The following MDGA2 variants were observed in gnomAD, a reference collection of about 807,000 sequenced individuals.
MDGA2 encodes MAM domain containing glycosylphosphatidylinositol anchor 2, also known as MAM domain-containing glycosylphosphatidylinositol anchor protein 2.
Under a neutral mutation model 117.8 loss-of-function variants are expected in MDGA2, and 40 were observed. The ratio of observed to expected loss-of-function variants is 0.34; its 90% CI spans 0.26 to 0.44. The LOEUF (loss-of-function observed/expected upper bound fraction) is 0.44, where lower values mean the gene tolerates loss of function less well. Among genes scored for constraint, MDGA2 ranks in the 20% least tolerant of loss-of-function variants. MDGA2 has a pLI of 1.00. For synonymous variants in MDGA2, 452 were observed against 439.0 expected (o/e 1.03, Z -0.37); for missense variants, 1,123 against 1,250.6 (o/e 0.90, Z 1.54).
chr14:47,334,175 C>T (rs1310324848), intron 1 of MDGA2, among the ~76,000 whole-genome samples: 1 of 151,668 alleles, frequency 6.6e-6, no homozygotes, highest in Non-Finnish European at 1.5e-5. Context: ...CTCTACAGCA[C>T]AGACTTAGTA....
At chr14:46,987,271 T>G (rs1886894403) in intron 8 of MDGA2, among the ~76,000 whole-genome samples, 1 of 152,108 alleles carries the variant, frequency 6.6e-6, no homozygotes, top group Non-Finnish European at 1.5e-5. Flanking sequence ...ATCACTGGTT[T>G]GTTTGTCCAT....
At chr14:47,164,804 A>T (rs924176166) in intron 3 of MDGA2, among the ~76,000 whole-genome samples, 3 of 152,240 alleles carry the variant, frequency 2.0e-5, no homozygotes, top group Non-Finnish European at 4.4e-5. Flanking sequence ...ATGCACATGT[A>T]TGTTTATTGC....
intron 1 of MDGA2, among the ~76,000 whole-genome samples, chr14:47,314,488 C>T (rs966569864): frequency 2.6e-5 from 4 of 151,990 alleles, no homozygotes; most frequent in African/African-American, 9.7e-5. Context: ...GACAACCCTG[C>T]ACAATATAGC....
intron 1 of MDGA2, among the ~76,000 whole-genome samples, chr14:47,628,340 A>G (rs1897189669): frequency 6.6e-6 from 1 of 152,192 alleles, no homozygotes; most frequent in Non-Finnish European, 1.5e-5. Context: ...TACATCCTCC[A>G]TAAGTTCCAT....
rs570744799 is a variant in MDGA2 at position 47,291,849 on chromosome 14, C to T, written c.420+9562G>A. 3.3e-5 allele frequency among the ~76,000 whole-genome samples: 5 copies of T among 152,222 alleles called. No homozygotes were observed. In the East Asian group the frequency reaches 9.7e-4, roughly 29 times the overall value. ...CATCGTGTAATCATCTCTAGGTTAC[C>T]AAGACAATCAAGTTCCTTGTGCACT... On this transcript the variant is annotated intron_variant, in intron 2 of 16. Coordinates refer to ENST00000399232, the MANE Select transcript of MDGA2 (RefSeq NM_001113498.3).
chr14:47,415,602 ATATTAC>A (rs1210631842), intron 1 of MDGA2, among the ~76,000 whole-genome samples: 5 of 152,332 alleles, frequency 3.3e-5, no homozygotes, highest in Admixed American at 2.6e-4. Flanking sequence ...AAAACATAGT[ATATTAC>A]TATCTGCAGT....
At chr14:47,206,285 A>G (rs1041232578) in intron 3 of MDGA2, among the ~76,000 whole-genome samples, 2 of 151,998 alleles carry the variant, frequency 1.3e-5, no homozygotes, top group African/African-American at 4.8e-5. Flanking sequence ...GTTATCACAG[A>G]CTTTAATTTA....
At chr14:46,847,711 A>G (rs1880897400) in intron 15 of MDGA2, among the ~76,000 whole-genome samples, 1 of 152,012 alleles carries the variant, frequency 6.6e-6, no homozygotes, top group African/African-American at 2.4e-5. Context: ...TATGGATGTA[A>G]TTTATTTAAC....
intron 2 of MDGA2, among the ~76,000 whole-genome samples, chr14:47,244,957 G>A (rs1887190099): frequency 6.6e-6 from 1 of 151,686 alleles, no homozygotes; most frequent in Non-Finnish European, 1.5e-5. Context: ...CCATTGTGAT[G>A]GTACACTTCC....
chr14:47,390,278 T>C (rs866710541), intron 1 of MDGA2, among the ~76,000 whole-genome samples: 1 of 152,194 alleles, frequency 6.6e-6, no homozygotes, highest in African/African-American at 2.4e-5. Flanking sequence ...TAAAAGATAA[T>C]AAGCCAGCTT....
chr14:47,468,946 T>C (rs1893660239), intron 1 of MDGA2, among the ~76,000 whole-genome samples: 1 of 152,088 alleles, frequency 6.6e-6, no homozygotes, highest in African/African-American at 2.4e-5. Flanking sequence ...AAATATTTTT[T>C]CAGGTTTTAC....
intron 1 of MDGA2, among the ~76,000 whole-genome samples, chr14:47,519,420 T>C (rs112744634): frequency 6.6e-6 from 1 of 152,194 alleles, no homozygotes; most frequent in African/African-American, 2.4e-5. Context: ...GCAATTATTT[T>C]AAATTGCAAT....
intron 14 of MDGA2, among the ~76,000 whole-genome samples, chr14:46,858,884 T>C (rs547547835): frequency 2.0e-5 from 3 of 152,294 alleles, no homozygotes; most frequent in African/African-American, 7.2e-5. Flanking sequence ...GCATTGTAGA[T>C]AGAACATTAT....
chr14:47,432,318 A>G (rs1892815443), intron 1 of MDGA2, among the ~76,000 whole-genome samples: 1 of 152,142 alleles, frequency 6.6e-6, no homozygotes, highest in Non-Finnish European at 1.5e-5. Flanking sequence ...TCACACTTAT[A>G]TGTGGGGCCA....
At chr14:47,550,690 C>T (rs1427414739) in intron 1 of MDGA2, among the ~76,000 whole-genome samples, 1 of 151,942 alleles carries the variant, frequency 6.6e-6, no homozygotes, top group Non-Finnish European at 1.5e-5. Context: ...ATTCTTGTCT[C>T]ACTATATGAG....
At chr14:47,653,456 G>C (rs1354795904) in intron 1 of MDGA2, among the ~76,000 whole-genome samples, 1 of 152,074 alleles carries the variant, frequency 6.6e-6, no homozygotes, top group Non-Finnish European at 1.5e-5. Flanking sequence ...TACAAAATTA[G>C]ATGGTTATCT....
intron 1 of MDGA2, among the ~76,000 whole-genome samples, chr14:47,369,692 C>A (rs1891303383): frequency 6.6e-6 from 1 of 151,818 alleles, no homozygotes; most frequent in South Asian, 2.1e-4. Flanking sequence ...GATTTTTTCC[C>A]ATCAATATAG....
intron 8 of MDGA2, among the ~76,000 whole-genome samples, chr14:46,967,918 T>C (rs935239121): frequency 1.8e-4 from 28 of 152,142 alleles, no homozygotes; most frequent in African/African-American, 6.5e-4. Context: ...CTTAAAATAC[T>C]ATAATAAGGA....
intron 1 of MDGA2, among the ~76,000 whole-genome samples, chr14:47,340,437 C>T (rs1198329327): frequency 9.2e-5 from 14 of 152,114 alleles, no homozygotes; most frequent in Non-Finnish European, 1.5e-5. Flanking sequence ...CTCATAATTT[C>T]AGGATCCAGG....
Sources: allele counts gnomAD v4.1 joint callset (sites outside exome capture counted in the v4.1 genomes callset), GRCh38; gene constraint gnomAD v4.1.1; transcripts MANE v1.5; gene names NCBI Gene and HGNC (gene_info 2026-07-23, HGNC 2026-07-21).